PDE11A: variants seen among roughly 807,000 people sequenced by gnomAD.
PDE11A encodes dual 3',5'-cyclic-AMP and -GMP phosphodiesterase 11A.
Under a neutral mutation model 100.5 loss-of-function variants are expected in PDE11A, and 100 were observed. That is an observed-to-expected ratio of 1.00 (90% CI 0.85 to 1.18). PDE11A has a LOEUF of 1.18. Ranked by LOEUF, PDE11A falls within the 50% of genes most tolerant of loss-of-function variation. The pLI, the probability that PDE11A is intolerant of heterozygous loss-of-function variation, is 0.00. For synonymous variants in PDE11A, 381 were observed against 420.8 expected (o/e 0.91, Z 1.16); for missense variants, 1,141 against 1,152.6 (o/e 0.99, Z 0.15).
At chr2:177,718,646 A>G (rs1018455312) in intron 12 of PDE11A, among the ~76,000 whole-genome samples, 8 of 152,238 alleles carry the variant, frequency 5.3e-5, no homozygotes, top group African/African-American at 1.7e-4. Context: ...AAATGTTTAA[A>G]TATATGTATA....
intron 4 of PDE11A, among the ~76,000 whole-genome samples, chr2:177,882,775 T>A (rs1012882161): frequency 2.6e-5 from 4 of 152,168 alleles, no homozygotes; most frequent in Non-Finnish European, 5.9e-5. Context: ...TCTTTTTGAT[T>A]TGGATATTTA....
chr2:177,795,778 G>A (rs2105544217), intron 9 of PDE11A, among the ~76,000 whole-genome samples: 1 of 151,492 alleles, frequency 6.6e-6, no homozygotes, highest in African/African-American at 2.4e-5. Context: ...CACCCTCAGT[G>A]TTTATCATTT....
At chr2:177,979,494 C>T (rs2085852566) in intron 2 of PDE11A, among the ~76,000 whole-genome samples, 1 of 150,272 alleles carries the variant, frequency 6.7e-6, no homozygotes, top group Non-Finnish European at 1.5e-5. Flanking sequence ...AAACATGGAA[C>T]ACCTACAAAG....
intron 14 of PDE11A, chr2:177,698,386 T>C (rs1454730393): frequency 1.3e-5 from 2 of 152,214 alleles, no homozygotes; most frequent in Non-Finnish European, 1.5e-5. Context: ...TGACCAACAA[T>C]TCACTTAGTT....
chr2:177,632,662 G>T (rs1267021847), intron 19 of PDE11A, among the ~76,000 whole-genome samples: 2 of 151,922 alleles, frequency 1.3e-5, no homozygotes, highest in Non-Finnish European at 2.9e-5. Flanking sequence ...AGTCTATTTG[G>T]CCCTCTTGAC....
intron 12 of PDE11A, among the ~76,000 whole-genome samples, chr2:177,717,544 T>C (rs2081458843): frequency 6.6e-6 from 1 of 152,202 alleles, no homozygotes; most frequent in Non-Finnish European, 1.5e-5. Flanking sequence ...TGAGCTTTAA[T>C]GTTAATATAT....
intron 2 of PDE11A, among the ~76,000 whole-genome samples, chr2:178,083,585 A>G (rs1419669114): frequency 6.6e-6 from 1 of 152,238 alleles, no homozygotes. Context: ...GGGCAGTCAT[A>G]TAGATCCAAA....
At chr2:177,709,569 T>C (rs984116499) in intron 13 of PDE11A, among the ~76,000 whole-genome samples, 7 of 152,172 alleles carry the variant, frequency 4.6e-5, no homozygotes, top group Admixed American at 6.5e-5. Context: ...CTGGGAATTA[T>C]GGTTCAAAGA....
chr2:177,782,093 T>C (rs2082462702), intron 9 of PDE11A, among the ~76,000 whole-genome samples: 1 of 152,236 alleles, frequency 6.6e-6, no homozygotes, highest in South Asian at 2.1e-4. Context: ...AGCTAGTACA[T>C]AATGACAACA....
chr2:177,763,504 C>T (rs772837956), intron 10 of PDE11A, among the ~76,000 whole-genome samples: 31 of 152,330 alleles, frequency 2.0e-4, no homozygotes, highest in Non-Finnish European at 4.0e-4. Context: ...TGCCCTCTTT[C>T]TGGTACCCAG....
At chr2:177,982,989 A>C (rs2085901113) in intron 2 of PDE11A, among the ~76,000 whole-genome samples, 1 of 150,614 alleles carries the variant, frequency 6.6e-6, no homozygotes, top group Non-Finnish European at 1.5e-5. Flanking sequence ...CTGAGGCACA[A>C]GAATCACTTG....
chr2:177,925,145 T>C (rs1037841005), intron 2 of PDE11A, among the ~76,000 whole-genome samples: 6 of 150,636 alleles, frequency 4.0e-5, no homozygotes, highest in African/African-American at 1.5e-4. Context: ...GACATTTGGG[T>C]TGGTTCCAAG....
chr2:177,749,923 A>C (rs1399499985), intron 10 of PDE11A, among the ~76,000 whole-genome samples: 1 of 152,214 alleles, frequency 6.6e-6, no homozygotes, highest in East Asian at 1.9e-4. Context: ...TTAGGAAGGG[A>C]AGATGCAGGC....
rs71010857 is a variant in PDE11A at position 178,096,169 on chromosome 2, C to CTTTTTTTTTTTTTTTTTT, written c.162+8132_162+8133insAAAAAAAAAAAAAAAAAA. On this transcript the variant is annotated intron_variant, in intron 2 of 20. Transcript: ENST00000358450. ...AGAAAACAGGTTTTTCTTTTCTTTT[C>CTTTTTTTTTTTTTTTTTT]TTTTTTTTTTTTGAGATGGAGTCTC... Among the ~76,000 whole-genome samples, 92 of 120,078 alleles carry CTTTTTTTTTTTTTTTTTT rather than the reference C, an allele frequency of 7.7e-4. 2 individuals are homozygous for CTTTTTTTTTTTTTTTTTT. Among genetic ancestry groups the CTTTTTTTTTTTTTTTTTT allele is most frequent in the Non-Finnish European group, 1.1e-3 (62 of 56,730 alleles). The allele number at this position is 120,078 out of a possible 152,430, so 78.8% of individuals were successfully genotyped here.
At chr2:177,810,397 C>A (rs1349060377) in intron 9 of PDE11A, among the ~76,000 whole-genome samples, 4 of 152,102 alleles carry the variant, frequency 2.6e-5, no homozygotes, top group Non-Finnish European at 5.9e-5. Flanking sequence ...TACAGACTTA[C>A]AATTAATGAC....
At chr2:177,697,580 T>A in intron 14 of PDE11A, 148 bp from the exon 15 acceptor site, 1 of 614,976 alleles carries the variant, frequency 1.6e-6, no homozygotes, top group East Asian at 3.0e-5. Flanking sequence ...TATAAACAGA[T>A]TCTCTGGCAA....
Position 178,003,459 on chromosome 2 carries a change from A to C in PDE11A, c.1071+10843T>G, listed in dbSNP as rs867319888. The stretch of plus-strand genomic sequence containing the variant: ...GGAAAGAAGTCAGTCACCAAGGATT[A>C]CATATTATATGGCTCTATTTATATG... On this transcript the variant is annotated intron_variant, in intron 2 of 19. Coordinates refer to ENST00000286063, the MANE Select transcript of PDE11A (RefSeq NM_016953.4). 2.6e-5 allele frequency among the ~76,000 whole-genome samples: 4 copies of C among 152,266 alleles called. 1 individual carries two copies. The South Asian group carries it at 8.3e-4, about 32-fold the overall frequency.
At chr2:177,867,533 TC>T in intron 5 of PDE11A, among the ~76,000 whole-genome samples, 1 of 152,122 alleles carries the variant, frequency 6.6e-6, no homozygotes, top group South Asian at 2.1e-4. Context: ...ATTGAGACCA[TC>T]CTGGCCAAAA....
intron 2 of PDE11A, among the ~76,000 whole-genome samples, chr2:177,944,675 C>T (rs910261943): frequency 7.2e-5 from 11 of 152,178 alleles, no homozygotes; most frequent in African/African-American, 1.7e-4. Flanking sequence ...TCCTCAGCTA[C>T]GACTACCAGG....
Sources: gnomAD v4.1 joint callset for allele counts (sites outside exome capture counted in the v4.1 genomes callset) on GRCh38, gnomAD v4.1.1 for gene constraint, MANE v1.5 for transcripts, NCBI Gene and HGNC (gene_info 2026-07-23, HGNC 2026-07-21) for gene names.